Variants in CSMD3 observed in about 807,000 individuals in gnomAD.
CSMD3 encodes the protein CUB and sushi domain-containing protein 3.
Under a neutral mutation model 435.2 loss-of-function variants are expected in CSMD3, and 177 were observed. The ratio of observed to expected loss-of-function variants is 0.41; its 90% confidence interval spans 0.36 to 0.46. The LOEUF (loss-of-function observed/expected upper bound fraction) is 0.46, where lower values mean the gene tolerates loss of function less well. Among genes scored for constraint, CSMD3 ranks in the 20% least tolerant of loss-of-function variants. The pLI, the probability that CSMD3 is intolerant of heterozygous loss-of-function variation, is 0.34. For synonymous variants in CSMD3, 1,656 were observed against 1,520.5 expected (o/e 1.09, Z -2.07); for missense variants, 4,265 against 4,504.6 (o/e 0.95, Z 1.52).
In CSMD3 at chr8:113,137,380, A is replaced by G. The variant is rs143497643; in HGVS notation, c.709+36342T>C. Among the ~76,000 whole-genome samples the G allele has an allele frequency of 5.9e-5, 9 of 151,878 alleles. No individual in the cohort carries two copies. The East Asian group carries it at 1.7e-3, about 29-fold the overall frequency. ...GTTATTGAATTTATATGTTTATAAA[A>G]AGAGTTTATTAATTCAGAATCTACA... On this transcript the variant is annotated intron_variant, in intron 4 of 70. Coordinates refer to ENST00000297405, the MANE Select transcript of CSMD3 (RefSeq NM_198123.2).
rs896389445 is a variant in CSMD3 at position 113,359,834 on chromosome 8, T to C, written c.179-45041A>G. Among the ~76,000 whole-genome samples the C allele has an allele frequency of 2.2e-4, 33 of 152,306 alleles. 2 individuals carry two copies. Among genetic ancestry groups the C allele is most frequent in the Admixed American group, 2.0e-3 (31 of 15,292 alleles). Reference sequence around the variant, plus strand: ...TCTGAATTAAAGAAAACAGTGGAGATGGTGGGATACAACCTACTTATAAAT... The same window carrying C: ...TCTGAATTAAAGAAAACAGTGGAGACGGTGGGATACAACCTACTTATAAAT... On this transcript the variant is annotated intron_variant, in intron 1 of 70. Transcript: ENST00000297405.
chr8:112,673,185 C>A (rs2075697002), intron 16 of CSMD3, among the ~76,000 whole-genome samples: 1 of 150,978 alleles, frequency 6.6e-6, no homozygotes, highest in African/African-American at 2.4e-5. Flanking sequence ...AAAAAAAAAA[C>A]TTGCTTTATG....
intron 31 of CSMD3, among the ~76,000 whole-genome samples, chr8:112,479,719 G>A (rs867910459): frequency 9.8e-5 from 15 of 152,328 alleles, no homozygotes; most frequent in Middle Eastern, 3.4e-3. Context: ...TGCTCATAAT[G>A]CAAGTGTGAA....
intron 3 of CSMD3, among the ~76,000 whole-genome samples, chr8:113,188,111 G>C (rs1480457): frequency 6.6e-6 from 1 of 151,902 alleles, no homozygotes; most frequent in Non-Finnish European, 1.5e-5. Flanking sequence ...CTTCACACAG[G>C]AAGCAATAGT....
At chr8:112,612,292 G>T (rs1586805852) in intron 22 of CSMD3, among the ~76,000 whole-genome samples, 1 of 152,126 alleles carries the variant, frequency 6.6e-6, no homozygotes, top group Non-Finnish European at 1.5e-5. Context: ...AAGTCTGCAT[G>T]GATGTAAATA....
intron 2 of CSMD3, chr8:113,313,599 G>A (rs2093887092): frequency 6.6e-6 from 1 of 152,112 alleles, no homozygotes; most frequent in Admixed American, 6.5e-5. Context: ...ACTGTAAAAA[G>A]TTAGCACTGA....
chr8:113,178,039 C>A (rs1000770199), intron 3 of CSMD3, among the ~76,000 whole-genome samples: 4 of 151,874 alleles, frequency 2.6e-5, no homozygotes, highest in African/African-American at 9.7e-5. Flanking sequence ...TTTTATTCAT[C>A]AGAAGCTTTT....
intron 1 of CSMD3, among the ~76,000 whole-genome samples, chr8:113,329,671 C>A (rs2132761057): frequency 6.7e-6 from 1 of 150,070 alleles, no homozygotes; most frequent in African/African-American, 2.5e-5. Flanking sequence ...AGATCCACAC[C>A]CAGACACATC....
intron 9 of CSMD3, among the ~76,000 whole-genome samples, chr8:112,939,276 G>A (rs916022463): frequency 6.6e-6 from 1 of 152,050 alleles, no homozygotes; most frequent in Non-Finnish European, 1.5e-5. Flanking sequence ...TGGAATGGAT[G>A]TTGGAAAACA....
intron 3 of CSMD3, among the ~76,000 whole-genome samples, chr8:113,267,164 T>TAC (rs1349311154): frequency 2.0e-5 from 3 of 151,728 alleles, no homozygotes; most frequent in Non-Finnish European, 4.4e-5. Flanking sequence ...TGGGTACTAG[T>TAC]ACAGCCACTA....
chr8:112,557,799 T>C (rs1472494819), intron 24 of CSMD3, among the ~76,000 whole-genome samples: 3 of 151,816 alleles, frequency 2.0e-5, no homozygotes, highest in Non-Finnish European at 4.4e-5. Context: ...AATAAACCAA[T>C]AAAGGTGAGT....
At chr8:112,865,890 T>A (rs1006576678) in intron 10 of CSMD3, among the ~76,000 whole-genome samples, 2 of 152,094 alleles carry the variant, frequency 1.3e-5, no homozygotes, top group African/African-American at 2.4e-5. Flanking sequence ...ATACTTAGAG[T>A]CACAACAAAG....
At chr8:112,703,201 A>G (rs1208379453) in intron 13 of CSMD3, among the ~76,000 whole-genome samples, 5 of 152,178 alleles carry the variant, frequency 3.3e-5, no homozygotes, top group Non-Finnish European at 5.9e-5. Context: ...CAAAGTGAGG[A>G]TCCATCCCCA....
intron 38 of CSMD3, among the ~76,000 whole-genome samples, chr8:112,367,935 A>C (rs1488053088): frequency 6.6e-6 from 1 of 152,192 alleles, no homozygotes; most frequent in Non-Finnish European, 1.5e-5. Flanking sequence ...CTGGCACTGC[A>C]ATAAGCACTT....
intron 2 of CSMD3, chr8:113,313,549 G>GA (rs1563686915): frequency 1.3e-5 from 2 of 151,918 alleles, no homozygotes; most frequent in African/African-American, 4.8e-5. Flanking sequence ...ACTTAAAATT[G>GA]AAAAAATATA....
intron 28 of CSMD3, among the ~76,000 whole-genome samples, chr8:112,515,058 T>C (rs1823529999): frequency 6.6e-6 from 1 of 152,078 alleles, no homozygotes; most frequent in Non-Finnish European, 1.5e-5. Context: ...CTTTTTTTTT[T>C]CTAGAATAGG....
chr8:112,700,783 G>C (rs1391469270), intron 13 of CSMD3, among the ~76,000 whole-genome samples: 3 of 152,076 alleles, frequency 2.0e-5, no homozygotes, highest in African/African-American at 7.2e-5. Context: ...AGGAACACAG[G>C]AATCTTCCTA....
intron 16 of CSMD3, among the ~76,000 whole-genome samples, chr8:112,677,343 G>A (rs1240556840): frequency 6.6e-6 from 1 of 151,228 alleles, no homozygotes; most frequent in Non-Finnish European, 1.5e-5. Flanking sequence ...TGGGTGAGAA[G>A]GGGGAAAAGA....
chr8:113,012,403 G>T (rs901323301), intron 6 of CSMD3, among the ~76,000 whole-genome samples: 2 of 151,754 alleles, frequency 1.3e-5, no homozygotes, highest in Non-Finnish European at 2.9e-5. Flanking sequence ...GTCTAATATG[G>T]TTTGGCTCTG....
Sources: gnomAD v4.1 joint callset for allele counts (sites outside exome capture counted in the v4.1 genomes callset) on GRCh38, gnomAD v4.1.1 for gene constraint, MANE v1.5 for transcripts, NCBI Gene and HGNC (gene_info 2026-07-23, HGNC 2026-07-21) for gene names.